The following PCDHGA1 variants were observed in gnomAD, a reference collection of about 807,000 sequenced individuals.
PCDHGA1 encodes the protein protocadherin gamma-A1.
A neutral mutation model predicts 58.0 loss-of-function variants in PCDHGA1; 32 were observed. The ratio of observed to expected loss-of-function variants is 0.55; its 90% confidence interval spans 0.42 to 0.74. The LOEUF (loss-of-function observed/expected upper bound fraction) is 0.74, where lower values mean the gene tolerates loss of function less well. Among genes scored for constraint, PCDHGA1 ranks in the 30% least tolerant of loss-of-function variants. The pLI is 0.00. For synonymous variants in PCDHGA1, 498 were observed against 501.1 expected (o/e 0.99, Z 0.08); for missense variants, 1,205 against 1,182.3 (o/e 1.02, Z -0.28).
In PCDHGA1 at chr5:141,366,520, C is replaced by T. The variant is rs2149895012; in HGVS notation, c.2421+33415C>T. ...CACGCCTGCTTCAGGCTGAAGGCAG[C>T]AGGTTGGCGGGTGTGCCCGCCTCGC... On this transcript the variant is annotated intron_variant, in intron 1 of 3. Coordinates refer to ENST00000517417, the MANE Select transcript of PCDHGA1 (RefSeq NM_018912.3). 3 of 1,614,278 alleles carry T rather than the reference C, an allele frequency of 1.9e-6. No individual in the cohort carries two copies. The East Asian group carries it at 6.7e-5, about 36-fold the overall frequency.
At chr5:141,358,794 G>T (rs1283830662) in intron 1 of PCDHGA1, among the ~76,000 whole-genome samples, 120 of 152,324 alleles carry the variant, frequency 7.9e-4, no homozygotes, top group Non-Finnish European at 4.4e-5. Context: ...CTTGGGTTCT[G>T]GACTGATATG....
chr5:141,423,806 T>C (rs2096783171), intron 1 of PCDHGA1: 1 of 1,251,576 alleles, frequency 8.0e-7, no homozygotes, highest in Non-Finnish European at 1.0e-6. Flanking sequence ...GCAATACATG[T>C]GAGTTTTACT....
chr5:141,390,152 TAC>T, intron 1 of PCDHGA1: 2 of 1,614,054 alleles, frequency 1.2e-6, no homozygotes, highest in Non-Finnish European at 1.7e-6. Flanking sequence ...GTGTTGCACA[TAC>T]AGGAAAGACG....
intron 2 of PCDHGA1, 50 bp from the exon 3 acceptor site, chr5:141,505,343 G>A: frequency 1.9e-6 from 3 of 1,612,934 alleles, no homozygotes; most frequent in Non-Finnish European, 2.5e-6. Flanking sequence ...GGAGGGGCAT[G>A]AGCTGTGCCG....
intron 1 of PCDHGA1, chr5:141,423,252 C>T (rs2096724826): frequency 1.2e-6 from 2 of 1,613,802 alleles, no homozygotes; most frequent in South Asian, 2.2e-5. Context: ...TCCTGGCGGA[C>T]CTCGGCAGCC....
intron 1 of PCDHGA1, among the ~76,000 whole-genome samples, chr5:141,481,820 C>T (rs2099545799): frequency 6.6e-6 from 1 of 150,726 alleles, no homozygotes; most frequent in Non-Finnish European, 1.5e-5. Context: ...GGCGTGGTGG[C>T]TGAGGCAGGA....
At chr5:141,374,838 C>G (rs772961429) in intron 1 of PCDHGA1, 7 of 1,613,846 alleles carry the variant, frequency 4.3e-6, no homozygotes, top group Non-Finnish European at 5.9e-6. Context: ...GTAAGTGTTC[C>G]TGAAAACCTG....
chr5:141,427,199 A>G (rs900332017), intron 1 of PCDHGA1: 5 of 456,766 alleles, frequency 1.1e-5, no homozygotes, highest in Non-Finnish European at 2.2e-5. Context: ...AAGACTTAAT[A>G]GACTTCGAAT....
intron 1 of PCDHGA1, chr5:141,428,219 T>C (rs749413221): frequency 8.4e-7 from 1 of 1,195,778 alleles, no homozygotes. Context: ...CACCTAGTCT[T>C]CGCAGACAGC....
Position 141,364,472 on chromosome 5 carries a change from A to C in PCDHGA1, c.2421+31367A>C, listed in dbSNP as rs375080558. On this transcript the variant is annotated intron_variant, in intron 1 of 3. Transcript: ENST00000517417. ...GGACAAAGGCTCCTTCGTCGGCAAC[A>C]TAGCCAAGGACCTTGGGCTGGAGCC... The C allele has an allele frequency of 6.8e-6, 11 of 1,614,038 alleles. 1 individual carries two copies. Among genetic ancestry groups the C allele is most frequent in the Middle Eastern group, 1.7e-4 (1 of 6,056 alleles).
intron 1 of PCDHGA1, chr5:141,350,032 T>C (rs556482258): frequency 2.8e-4 from 106 of 380,106 alleles, no homozygotes; most frequent in African/African-American, 2.0e-3. Flanking sequence ...CAAGACAACC[T>C]CTGGGCGCCG....
At chr5:141,443,604 G>A (rs1561911807) in intron 1 of PCDHGA1, among the ~76,000 whole-genome samples, 1 of 152,194 alleles carries the variant, frequency 6.6e-6, no homozygotes, top group Non-Finnish European at 1.5e-5. Context: ...TATATGAAAT[G>A]TTCTTATAAT....
At chr5:141,376,284 G>T (rs1393856164) in intron 1 of PCDHGA1, 12 of 1,614,102 alleles carry the variant, frequency 7.4e-6, no homozygotes, top group Non-Finnish European at 1.0e-5. Flanking sequence ...GGCTTAGCGA[G>T]CATGCCCGGC....
intron 1 of PCDHGA1, among the ~76,000 whole-genome samples, chr5:141,437,411 T>C (rs1014219268): frequency 1.1e-4 from 17 of 152,222 alleles, no homozygotes; most frequent in African/African-American, 4.1e-4. Flanking sequence ...TCCAGAAGTA[T>C]TATGCTTTTT....
At chr5:141,488,069 C>T (rs1197698273) in intron 1 of PCDHGA1, among the ~76,000 whole-genome samples, 1 of 152,072 alleles carries the variant, frequency 6.6e-6, no homozygotes, top group Non-Finnish European at 1.5e-5. Context: ...ATCTTTGTCT[C>T]CCAGTATCTA....
chr5:141,433,232 C>T (rs1344380820), intron 1 of PCDHGA1: 1 of 1,516,488 alleles, frequency 6.6e-7, no homozygotes, highest in Admixed American at 1.9e-5. Flanking sequence ...ATTGCTCTGT[C>T]TCCCAAGCTG....
In PCDHGA1 at chr5:141,334,005, TA is replaced by T. The variant is rs1191295640; in HGVS notation, c.2421+902del. On this transcript the variant is annotated intron_variant, in intron 1 of 3. Coordinates refer to ENST00000517417, the MANE Select transcript of PCDHGA1 (RefSeq NM_018912.3). The surrounding 1 kb of genome is among the most constrained non-coding windows in gnomAD (Gnocchi z 4.6). ...CAAAAATCAAGTATATATCCTATTT[TA>T]ATGTGTGTTAACTTTTCAGAAGAAA... The T allele has an allele frequency of 6.6e-6, 1 of 152,224 alleles. No homozygotes were observed. The highest frequency in any genetic ancestry group is 1.5e-5 in the Non-Finnish European group (1 of 68,046). 9.4% of individuals were successfully genotyped at this position (152,224 alleles called of 1,614,324 possible). A position where few individuals can be genotyped will look rare whatever the true frequency, so the allele number is the denominator to read the frequency against.
intron 1 of PCDHGA1, chr5:141,379,735 C>G (rs1775784648): frequency 2.0e-5 from 3 of 152,002 alleles, no homozygotes; most frequent in Admixed American, 6.6e-5. Flanking sequence ...TAAGTTATGG[C>G]TAAATGAGGT....
At chr5:141,340,241 GC>G (rs758614872) in intron 1 of PCDHGA1, 46 of 1,614,118 alleles carry the variant, frequency 2.8e-5, no homozygotes, top group Non-Finnish European at 3.7e-5. Context: ...CACTCTAACC[GC>G]TAAAGATGGA....
Sources: allele counts gnomAD v4.1 joint callset (sites outside exome capture counted in the v4.1 genomes callset), GRCh38; gene constraint gnomAD v4.1.1; non-coding constraint Gnocchi (gnomAD v3.1); transcripts MANE v1.5; gene names NCBI Gene and HGNC (gene_info 2026-07-23, HGNC 2026-07-21).